Variants in HTR2C observed in about 807,000 individuals in gnomAD.
HTR2C encodes 5-hydroxytryptamine receptor 2C, also known as 5-hydroxytryptamine (serotonin) receptor 2C, G protein-coupled.
A neutral mutation model predicts 21.0 loss-of-function variants in HTR2C; 5 were observed. The ratio of observed to expected loss-of-function variants is 0.24; its 90% CI spans 0.12 to 0.50. The LOEUF is 0.50. HTR2C is among the 20% of genes least tolerant of loss of function. The pLI, the probability that HTR2C is intolerant of heterozygous loss-of-function variation, is 0.98. For synonymous variants in HTR2C, 150 were observed against 145.3 expected, an observed-to-expected ratio of 1.03 and a Z score of -0.23; for missense variants, 271 against 371.2, an observed-to-expected ratio of 0.73 and a Z score of 2.22.
intron 2 of HTR2C, among the ~76,000 whole-genome samples, chrX:114,716,263 A>G (rs1799309002): frequency 8.9e-6 from 1 of 112,852 alleles, no homozygotes; most frequent in African/African-American, 3.2e-5. Context: ...AAGTCTATCA[A>G]TTGGGAAGTG....
chrX:114,776,621 CCAAT>C, intron 4 of HTR2C: 4 of 515,952 alleles, frequency 7.8e-6, no homozygotes, highest in Non-Finnish European at 1.1e-5. Context: ...TGCGGCATCA[CCAAT>C]CAATCATTCA....
chrX:114,724,531 G>T (rs1315504240), intron 2 of HTR2C, among the ~76,000 whole-genome samples: 7 of 70,014 alleles, frequency 1.0e-4, no homozygotes, highest in Admixed American at 2.0e-4. Flanking sequence ...AGTTAATATT[G>T]TTATGTGTGA....
chrX:114,841,128 T>TC (rs1189809491), intron 4 of HTR2C, among the ~76,000 whole-genome samples: 2 of 111,570 alleles, frequency 1.8e-5, no homozygotes, highest in Non-Finnish European at 3.8e-5. Flanking sequence ...TTTCCTTACT[T>TC]CCCCAAGAAA....
intron 4 of HTR2C, among the ~76,000 whole-genome samples, chrX:114,778,658 A>G (rs1279025684): frequency 9.0e-6 from 1 of 111,667 alleles, no homozygotes; most frequent in Non-Finnish European, 1.9e-5. Flanking sequence ...TATGCTACAT[A>G]TATGTCTTAG....
intron 4 of HTR2C, among the ~76,000 whole-genome samples, chrX:114,827,639 A>G (rs2070689158): frequency 9.0e-6 from 1 of 110,611 alleles, no homozygotes; most frequent in Non-Finnish European, 1.9e-5. Context: ...ACATCCTTTA[A>G]CATTTTTAGA....
In HTR2C at chrX:114,724,678, C is replaced by G. The variant is rs782576693; in HGVS notation, c.-79-2180C>G. Among the ~76,000 whole-genome samples the G allele has an allele frequency of 4.5e-4, 48 of 106,973 alleles. No homozygotes were observed. In the South Asian group the frequency reaches 0.02, roughly 45 times the overall value. The allele number at this position is 106,973 out of a possible 115,157, so 92.9% of individuals were successfully genotyped here. On this transcript the variant is annotated intron_variant, in intron 2 of 5. Coordinates refer to ENST00000276198, the MANE Select transcript of HTR2C (RefSeq NM_000868.4). Reference sequence around the variant, plus strand: ...CCACTTGTTCCTTTCCATGTTTAGCCCTTCCTTCAGGAGCTCTTTTAGGGC... The same window carrying G: ...CCACTTGTTCCTTTCCATGTTTAGCGCTTCCTTCAGGAGCTCTTTTAGGGC...
At chrX:114,698,459 AAC>A (rs1206382220) in intron 2 of HTR2C, among the ~76,000 whole-genome samples, 1 of 9,080 alleles carries the variant, frequency 1.1e-4, no homozygotes, top group Non-Finnish European at 3.0e-4. Flanking sequence ...CACACACACA[AAC>A]ACACACACAC....
chrX:114,840,171 C>A, intron 4 of HTR2C, among the ~76,000 whole-genome samples: 1 of 109,766 alleles, frequency 9.1e-6, no homozygotes, highest in Non-Finnish European at 1.9e-5. Flanking sequence ...CATATATACA[C>A]ACACACAACT....
chrX:114,903,999 T>G (rs1210163550), intron 5 of HTR2C, among the ~76,000 whole-genome samples: 2 of 111,698 alleles, frequency 1.8e-5, no homozygotes, highest in African/African-American at 6.5e-5. Flanking sequence ...TATCAACACA[T>G]TGTCAGAAAA....
intron 4 of HTR2C, among the ~76,000 whole-genome samples, chrX:114,830,582 CT>C (rs1372029761): frequency 9.2e-6 from 1 of 108,149 alleles, no homozygotes; most frequent in Non-Finnish European, 1.9e-5. Context: ...TAATTGGTAA[CT>C]TTTTATTTTT....
At chrX:114,603,214 G>A (rs1348871672) in intron 1 of HTR2C, among the ~76,000 whole-genome samples, 1 of 113,005 alleles carries the variant, frequency 8.8e-6, no homozygotes, top group Non-Finnish European at 1.9e-5. Context: ...AATTGTGGGA[G>A]ACTCAACAAA....
intron 2 of HTR2C, among the ~76,000 whole-genome samples, chrX:114,637,040 A>AT (rs1257042193): frequency 7.2e-5 from 8 of 111,716 alleles, no homozygotes; most frequent in Non-Finnish European, 1.3e-4. Context: ...CCGTTTACTA[A>AT]TTTTTTAAAA....
intron 4 of HTR2C, among the ~76,000 whole-genome samples, chrX:114,787,088 C>T (rs782378905): frequency 4.3e-4 from 48 of 111,310 alleles, no homozygotes; most frequent in Non-Finnish European, 8.1e-4. Context: ...TACTAGTCAC[C>T]CACTTTTGGG....
At chrX:114,708,964 C>T (rs2147319379) in intron 2 of HTR2C, among the ~76,000 whole-genome samples, 1 of 111,844 alleles carries the variant, frequency 8.9e-6, no homozygotes, top group Admixed American at 9.5e-5. Flanking sequence ...GCTTTCAAAA[C>T]AACTAATACA....
chrX:114,885,365 C>T (rs1207396537), intron 5 of HTR2C, among the ~76,000 whole-genome samples: 1 of 110,826 alleles, frequency 9.0e-6, no homozygotes, highest in African/African-American at 3.3e-5. Context: ...TAGACTATAC[C>T]ATCTAGATCT....
chrX:114,713,305 C>T (rs1932920229), intron 2 of HTR2C, among the ~76,000 whole-genome samples: 1 of 111,479 alleles, frequency 9.0e-6, no homozygotes, highest in Admixed American at 9.6e-5. Flanking sequence ...AACCATGATG[C>T]AATTACCACC....
At chrX:114,607,421 A>G (rs982431443) in intron 1 of HTR2C, among the ~76,000 whole-genome samples, 2 of 111,970 alleles carry the variant, frequency 1.8e-5, no homozygotes, top group Admixed American at 9.5e-5. Flanking sequence ...GTTAAGATCA[A>G]TGATGAAAAA....
chrX:114,670,438 A>G (rs1931338894), intron 2 of HTR2C, among the ~76,000 whole-genome samples: 2 of 108,447 alleles, frequency 1.8e-5, no homozygotes, highest in Non-Finnish European at 3.8e-5. Flanking sequence ...CAACTCCTTT[A>G]GCAATTTACT....
chrX:114,794,748 T>C (rs2070272809), intron 4 of HTR2C, among the ~76,000 whole-genome samples: 1 of 109,409 alleles, frequency 9.1e-6, no homozygotes, highest in Non-Finnish European at 1.9e-5. Flanking sequence ...GGTGTATATG[T>C]GCCACATTTT....
Sources: gnomAD v4.1 joint callset for allele counts (sites outside exome capture counted in the v4.1 genomes callset) on GRCh38, gnomAD v4.1.1 for gene constraint, MANE v1.5 for transcripts, NCBI Gene and HGNC (gene_info 2026-07-23, HGNC 2026-07-21) for gene names.